The following ITFG1 variants were observed in gnomAD, a reference collection of about 807,000 sequenced individuals.
ITFG1 encodes the protein T-cell immunomodulatory protein.
Under a neutral mutation model 81.8 loss-of-function variants are expected in ITFG1, and 34 were observed. That is an observed-to-expected ratio of 0.42 (90% CI 0.32 to 0.55). The LOEUF (loss-of-function observed/expected upper bound fraction) is 0.55, where lower values mean the gene tolerates loss of function less well. Ranked by LOEUF, ITFG1 falls within the 20% of genes least tolerant of loss-of-function variation. The pLI, the probability that ITFG1 is intolerant of heterozygous loss-of-function variation, is 0.17. For missense variants in ITFG1, 672 were observed against 755.4 expected (o/e 0.89, Z 1.29); for synonymous variants, 285 against 270.6 (o/e 1.05, Z -0.52).
chr16:47,393,590 G>A (rs1345518579), intron 6 of ITFG1, among the ~76,000 whole-genome samples: 1 of 152,074 alleles, frequency 6.6e-6, no homozygotes, highest in African/African-American at 2.4e-5. Context: ...AATTAGCTGG[G>A]CGTGGTGGCA....
chr16:47,369,114 A>G (rs1236261947), intron 7 of ITFG1, among the ~76,000 whole-genome samples: 2 of 152,246 alleles, frequency 1.3e-5, no homozygotes, highest in African/African-American at 2.4e-5. Flanking sequence ...CATCATCAAT[A>G]TATTTTATCT....
chr16:47,446,026 T>C (rs1969320261), intron 5 of ITFG1, among the ~76,000 whole-genome samples: 1 of 152,108 alleles, frequency 6.6e-6, no homozygotes, highest in Non-Finnish European at 1.5e-5. Context: ...CTTAAGTCAC[T>C]GTTAGCCACA....
At chr16:47,253,854 T>TA (rs1966108901) in intron 12 of ITFG1, among the ~76,000 whole-genome samples, 1 of 152,124 alleles carries the variant, frequency 6.6e-6, no homozygotes, top group Admixed American at 6.5e-5. Flanking sequence ...TGCGGCCTGG[T>TA]TCCTAATAGG....
At position 47,168,552 on chromosome 16, in the gene ITFG1, T is replaced by G. The variant is rs568744115; in HGVS notation, c.1454-5888A>C. Among the ~76,000 whole-genome samples, 11 of 148,120 alleles carry G rather than the reference T, an allele frequency of 7.4e-5. No individual in the cohort carries two copies. The East Asian group carries it at 1.2e-3, about 16-fold the overall frequency. On this transcript the variant is annotated intron_variant, in intron 14 of 17. Coordinates refer to ENST00000320640, the MANE Select transcript of ITFG1 (RefSeq NM_030790.5). ...GCCTCTGGCTAATTAAAAGTTTTTT[T>G]TTTTTTTTTTTTTTTTCTAGAGACA...
intron 6 of ITFG1, among the ~76,000 whole-genome samples, chr16:47,401,327 G>A (rs777874835): frequency 3.7e-4 from 57 of 152,206 alleles, no homozygotes; most frequent in Non-Finnish European, 6.5e-4. Context: ...GGTGAAATCC[G>A]TGAGAGGTCT....
chr16:47,448,883 T>C (rs1425701481), intron 5 of ITFG1: 1 of 152,152 alleles, frequency 6.6e-6, no homozygotes, highest in Non-Finnish European at 1.5e-5. Flanking sequence ...ATAAGTGAAG[T>C]TGAAGCTCAA....
At chr16:47,308,182 C>T (rs1295963050) in intron 10 of ITFG1, among the ~76,000 whole-genome samples, 3 of 152,138 alleles carry the variant, frequency 2.0e-5, no homozygotes, top group South Asian at 2.1e-4. Flanking sequence ...ATTGCTGGGT[C>T]GAATGGCAGT....
Position 47,201,269 on chromosome 16 carries a change from T to C in ITFG1, c.1453+17599A>G, listed in dbSNP as rs1965422054. On this transcript the variant is annotated intron_variant, in intron 14 of 17. Transcript: ENST00000320640. Reference sequence around the variant, plus strand: ...TGTTGCCCAGGCTGGAGTGCAGTGGTGAGATCTTGGCTCACTGCAAGCTCC... The same window carrying C: ...TGTTGCCCAGGCTGGAGTGCAGTGGCGAGATCTTGGCTCACTGCAAGCTCC... 7.3e-5 allele frequency among the ~76,000 whole-genome samples: 11 copies of C among 151,218 alleles called. No homozygotes were observed. In the South Asian group the frequency reaches 2.1e-3, roughly 29 times the overall value.
At chr16:47,174,860 G>A (rs1423011925) in intron 14 of ITFG1, among the ~76,000 whole-genome samples, 2 of 152,088 alleles carry the variant, frequency 1.3e-5, no homozygotes, top group Non-Finnish European at 2.9e-5. Flanking sequence ...TTCATCTAAC[G>A]GTAATACCTA....
At chr16:47,403,761 T>TACACAC (rs55978309) in intron 6 of ITFG1, among the ~76,000 whole-genome samples, 1,675 of 133,218 alleles carry the variant, frequency 0.013, 21 homozygotes, top group East Asian at 0.018. Context: ...TCTCTCTTGG[T>TACACAC]ACACACACAC....
intron 6 of ITFG1, among the ~76,000 whole-genome samples, chr16:47,405,895 A>G (rs1360668101): frequency 6.6e-6 from 1 of 152,152 alleles, no homozygotes; most frequent in Non-Finnish European, 1.5e-5. Context: ...ATAGATACTT[A>G]TAATTATGAA....
intron 8 of ITFG1, among the ~76,000 whole-genome samples, chr16:47,363,945 A>C (rs2151586243): frequency 6.6e-6 from 1 of 152,220 alleles, no homozygotes; most frequent in East Asian, 1.9e-4. Flanking sequence ...CTGAATGGTA[A>C]ATTTCTTGAA....
chr16:47,233,295 C>T (rs998425395), intron 13 of ITFG1, among the ~76,000 whole-genome samples: 2 of 152,192 alleles, frequency 1.3e-5, no homozygotes, highest in African/African-American at 4.8e-5. Flanking sequence ...AACAGAGTCA[C>T]AGCTTACAAG....
chr16:47,348,753 A>T (rs1967900220), intron 8 of ITFG1, among the ~76,000 whole-genome samples: 2 of 152,190 alleles, frequency 1.3e-5, no homozygotes, highest in East Asian at 3.9e-4. Context: ...CAAGACACAT[A>T]ATTGTTAGAT....
chr16:47,157,166 C>T (rs774898971), intron 17 of ITFG1, among the ~76,000 whole-genome samples: 4 of 152,032 alleles, frequency 2.6e-5, no homozygotes, highest in Admixed American at 6.5e-5. Context: ...TGCTGTAAGT[C>T]ATCTAGGTTG....
intron 6 of ITFG1, among the ~76,000 whole-genome samples, chr16:47,387,892 T>C (rs1044485934): frequency 6.6e-6 from 1 of 151,666 alleles, no homozygotes; most frequent in African/African-American, 2.4e-5. Context: ...GGACCAGATG[T>C]AAATTTCACA....
intron 5 of ITFG1, among the ~76,000 whole-genome samples, chr16:47,434,752 G>A (rs1445567663): frequency 3.3e-5 from 5 of 152,178 alleles, no homozygotes; most frequent in South Asian, 2.1e-4. Flanking sequence ...CGATAGCAAC[G>A]ACATGGAATC....
rs140998752 is a variant in ITFG1, at chr16:47,332,131, G to A, written c.803-18308C>T. On this transcript the variant is annotated intron_variant, in intron 8 of 17. Coordinates refer to ENST00000320640, the MANE Select transcript of ITFG1 (RefSeq NM_030790.5). ...AGTAGCTGTGAACTTTTTGCCAGAA[G>A]GGTAGAGGTGGTGTAACTAACCTGC... 8.5e-4 allele frequency among the ~76,000 whole-genome samples: 129 copies of A among 152,076 alleles called. 1 individual carries two copies. Among genetic ancestry groups the A allele is most frequent in the African/African-American group, 2.9e-3 (121 of 41,510 alleles).
intron 8 of ITFG1, among the ~76,000 whole-genome samples, chr16:47,315,501 A>G (rs1194729099): frequency 6.6e-6 from 1 of 152,074 alleles, no homozygotes; most frequent in East Asian, 1.9e-4. Flanking sequence ...CAATGACAAA[A>G]TGCTCATATT....
Sources: allele counts gnomAD v4.1 joint callset (sites outside exome capture counted in the v4.1 genomes callset), GRCh38; gene constraint gnomAD v4.1.1; transcripts MANE v1.5; gene names NCBI Gene and HGNC (gene_info 2026-07-23, HGNC 2026-07-21).